The following KCNU1 variants were observed in gnomAD, a reference collection of about 807,000 sequenced individuals.
The protein encoded by KCNU1 is potassium channel subfamily U member 1.
A neutral mutation model predicts 126.8 loss-of-function variants in KCNU1; 93 were observed. The ratio of observed to expected loss-of-function variants is 0.73; its 90% CI spans 0.62 to 0.87. KCNU1 has a LOEUF of 0.87. KCNU1 is among the 40% of genes least tolerant of loss of function. The pLI is 0.00. For missense variants in KCNU1, 1,330 were observed against 1,367.1 expected (o/e 0.97, Z 0.43); for synonymous variants, 523 against 494.2 (o/e 1.06, Z -0.77).
chr8:36,806,496 C>T (rs926030465), intron 5 of KCNU1, 116 bp downstream of exon 5: 20 of 632,448 alleles, frequency 3.2e-5, no homozygotes, highest in Admixed American at 2.1e-4. Context: ...TTTTAAAAAC[C>T]TCTCACCTTA....
intron 9 of KCNU1, among the ~76,000 whole-genome samples, chr8:36,816,480 TTTAA>T (rs1476882797): frequency 1.3e-5 from 2 of 152,172 alleles, no homozygotes; most frequent in African/African-American, 2.4e-5. Flanking sequence ...GGATGAAAAC[TTTAA>T]TTGACCTGGG....
At chr8:36,853,305 A>T (rs1426380331) in intron 18 of KCNU1, among the ~76,000 whole-genome samples, 1 of 152,196 alleles carries the variant, frequency 6.6e-6, no homozygotes, top group Non-Finnish European at 1.5e-5. Flanking sequence ...AGCCAAGATC[A>T]TGCTACTGCA....
rs370399751 is a variant in KCNU1 at position 36,787,309 on chromosome 8, C to A, written c.199C>A (p.Leu67Met). The change falls in exon 2 of 27, where the codon CTG becomes ATG. Residue 67 changes from leucine to methionine, a missense_variant. Around this residue, in one of 3 missense-constraint regions of KCNU1, gnomAD observed 247 missense variants for 255.4 expected, o/e 0.97. Coordinates refer to ENST00000399881, the MANE Select transcript of KCNU1 (RefSeq NM_001031836.3). ...AATTTCTTTCTCTTGATTGTAGGAACTGTTCACATCAGGTACCATCGCTAG... is the reference window on the plus strand; with the variant it reads ...AATTTCTTTCTCTTGATTGTAGGAAATGTTCACATCAGGTACCATCGCTAG... ...IIKGTGIILE[L>M]FTSGTIARSH... 1.9e-6 allele frequency: 3 copies of A among 1,607,874 alleles called. No homozygotes were observed. Among genetic ancestry groups the A allele is most frequent in the East Asian group, 2.2e-5 (1 of 44,628 alleles).
rs181920475 is a variant in KCNU1, at chr8:36,807,506, T to C, written c.656+56T>C. On this transcript the variant is annotated intron_variant, in intron 6 of 26. Transcript: ENST00000399881. ...TTATTAGTTTGGATTAGAAAATGAA[T>C]GTATTAACTGGACCCTAAACTCAAT... is the stretch of plus-strand genomic sequence containing the variant. The C allele has an allele frequency of 3.8e-4, 468 of 1,236,898 alleles. 7 individuals are homozygous for C. In the Admixed American group the frequency reaches 7.5e-3, roughly 20 times the overall value. The allele number at this position is 1,236,898 out of a possible 1,614,324, so 76.6% of individuals were successfully genotyped here.
At chr8:36,856,103 T>C (rs966920070) in intron 18 of KCNU1, among the ~76,000 whole-genome samples, 7 of 152,236 alleles carry the variant, frequency 4.6e-5, no homozygotes, top group South Asian at 2.1e-4. Context: ...ATAAAGCTTC[T>C]ATTTTGTTCT....
rs530257589 is a variant in KCNU1, at chr8:36,912,228, G to A, written c.2521+1109G>A. ...ATAATGGCTGTCGATAACAATGTTC[G>A]TGATTGAAACTGGGAAACCAAAAAT... On this transcript the variant is annotated intron_variant, in intron 22 of 26. Transcript: ENST00000399881. Among the ~76,000 whole-genome samples the A allele has an allele frequency of 1.3e-4, 20 of 152,276 alleles. No individual in the cohort carries two copies. The East Asian group carries it at 2.1e-3, about 16-fold the overall frequency.
Position 36,815,696 on chromosome 8 carries a change from T to A in KCNU1, c.995+9T>A. The A allele has an allele frequency of 6.9e-7, 1 of 1,440,412 alleles. No individual in the cohort carries two copies. Among genetic ancestry groups the A allele is most frequent in the Admixed American group, 1.9e-5 (1 of 52,096 alleles). The allele number at this position is 1,440,412 out of a possible 1,614,324, so 89.2% of individuals were successfully genotyped here. ...GCACTCAAAGGAAAGAAGTAAGTAGTGTTTTAAGTATAATTTCTACAGTTT... is the reference window on the plus strand; with the variant it reads ...GCACTCAAAGGAAAGAAGTAAGTAGAGTTTTAAGTATAATTTCTACAGTTT... On this transcript the variant is annotated intron_variant, in intron 9 of 26. Coordinates refer to ENST00000399881, the MANE Select transcript of KCNU1 (RefSeq NM_001031836.3).
At chr8:36,859,700 A>G (rs1201731518) in intron 18 of KCNU1, among the ~76,000 whole-genome samples, 1 of 152,198 alleles carries the variant, frequency 6.6e-6, no homozygotes, top group African/African-American at 2.4e-5. Flanking sequence ...CAAATATTTT[A>G]CAGAGGAAAC....
At chr8:36,787,212 G>T in intron 1 of KCNU1, 94 bp from the exon 2 acceptor site, 1 of 1,135,942 alleles carries the variant, frequency 8.8e-7, no homozygotes, top group South Asian at 2.0e-5. Context: ...ATTTTCGACT[G>T]ATACCATCAC....
intron 21 of KCNU1, among the ~76,000 whole-genome samples, chr8:36,910,232 C>A (rs1008721575): frequency 6.6e-6 from 1 of 152,124 alleles, no homozygotes; most frequent in African/African-American, 2.4e-5. Context: ...ACCGTGGTTA[C>A]TTTTGCACCA....
At chr8:36,815,717 A>T in intron 9 of KCNU1, 30 bp downstream of exon 9, 1 of 1,282,606 alleles carries the variant, frequency 7.8e-7, no homozygotes, top group Non-Finnish European at 1.1e-6. Flanking sequence ...TAATTTCTAC[A>T]GTTTAAGAAA....
chr8:36,892,284 C>T (rs539632211), intron 19 of KCNU1, among the ~76,000 whole-genome samples: 2 of 152,218 alleles, frequency 1.3e-5, no homozygotes, highest in East Asian at 3.9e-4. Flanking sequence ...TATTGTACTT[C>T]TTAACTCCAG....
chr8:36,869,452 A>T (rs1300042880), intron 19 of KCNU1, among the ~76,000 whole-genome samples: 3 of 152,154 alleles, frequency 2.0e-5, no homozygotes, highest in African/African-American at 7.2e-5. Context: ...TCACATTTAT[A>T]ATATCAACTT....
intron 14 of KCNU1, among the ~76,000 whole-genome samples, chr8:36,837,305 T>A (rs540931359): frequency 1.9e-4 from 29 of 152,264 alleles, no homozygotes; most frequent in African/African-American, 6.5e-4. Context: ...TAATGAAGGA[T>A]TCATATATTT....
chr8:36,891,713 A>G (rs1806969678), intron 19 of KCNU1, among the ~76,000 whole-genome samples: 2 of 152,218 alleles, frequency 1.3e-5, no homozygotes, highest in South Asian at 2.1e-4. Flanking sequence ...TCATTTTTGA[A>G]TAATACTTTG....
chr8:36,879,840 AG>A (rs2117392878), intron 19 of KCNU1, among the ~76,000 whole-genome samples: 1 of 152,296 alleles, frequency 6.6e-6, no homozygotes, highest in African/African-American at 2.4e-5. Flanking sequence ...GCACTGTAAA[AG>A]ATTGGTTTAT....
In KCNU1 at chr8:36,935,612, G is replaced by A. The variant is rs753750212; in HGVS notation, c.3142G>A (p.Glu1048Lys). Residue 1048 changes from glutamate (E) to lysine (K), a missense_variant, in exon 27 of 27, where the codon GAA becomes AAA. Glu to Lys is a moderately conservative substitution (Grantham distance 56). Transcript: ENST00000399881. ...CAGCACTGCTTGTTATAAAAGGAATGAAGAGTTCTCATTGCAAAAGTCATA... is the reference window on the plus strand; with the variant it reads ...CAGCACTGCTTGTTATAAAAGGAATAAAGAGTTCTCATTGCAAAAGTCATA... ...PFSTACYKRN[E>K]EFSLQKSYEI... The A allele has an allele frequency of 6.8e-6, 11 of 1,613,240 alleles. No homozygotes were observed. Among genetic ancestry groups the A allele is most frequent in the Non-Finnish European group, 8.5e-6 (10 of 1,179,460 alleles).
intron 16 of KCNU1, among the ~76,000 whole-genome samples, chr8:36,842,188 C>T (rs1804981754): frequency 6.6e-6 from 1 of 152,202 alleles, no homozygotes; most frequent in African/African-American, 2.4e-5. Context: ...GAATCTCTCA[C>T]ACACCTTCCT....
rs112127428 is a variant in KCNU1 at position 36,832,538 on chromosome 8, T to C, written c.1107-1016T>C. ...ACATTCAGTTATTTGCTGTCTACTT[T>C]TGTTATTTTTTAATCTCTACTTTGA... is the stretch of plus-strand genomic sequence containing the variant. On this transcript the variant is annotated intron_variant, in intron 10 of 26. Coordinates refer to ENST00000399881, the MANE Select transcript of KCNU1 (RefSeq NM_001031836.3). Among the ~76,000 whole-genome samples the C allele has an allele frequency of 2.3e-3, 344 of 152,286 alleles. 11 individuals carry two copies. Among genetic ancestry groups the C allele is most frequent in the African/African-American group, 7.9e-3 (329 of 41,582 alleles).
Sources: allele counts gnomAD v4.1 joint callset (sites outside exome capture counted in the v4.1 genomes callset), GRCh38; gene constraint gnomAD v4.1.1; regional missense constraint gnomAD v4.1.1; transcripts MANE v1.5; gene names NCBI Gene and HGNC (gene_info 2026-07-23, HGNC 2026-07-21).